ZNF608: variants seen among roughly 807,000 people sequenced by gnomAD.
The protein encoded by ZNF608 is zinc finger protein 608.
Under a neutral mutation model 109.0 loss-of-function variants are expected in ZNF608, and 12 were observed. The ratio of observed to expected loss-of-function variants is 0.11; its 90% CI spans 0.07 to 0.18. The LOEUF (loss-of-function observed/expected upper bound fraction) is 0.18, where lower values mean the gene tolerates loss of function less well. Among genes scored for constraint, ZNF608 ranks in the 10% least tolerant of loss-of-function variants. The probability of loss-of-function intolerance (pLI) is 1.00; values close to 1 mark genes in which losing one functional copy is unlikely to be tolerated. For missense variants in ZNF608, 1,707 were observed against 1,879.3 expected, an observed-to-expected ratio of 0.91 and a Z score of 1.70; for synonymous variants, 732 against 717.4, an observed-to-expected ratio of 1.02 and a Z score of -0.33.
chr5:124,668,567 G>A (rs899624435), intron 3 of ZNF608, among the ~76,000 whole-genome samples: 4 of 152,050 alleles, frequency 2.6e-5, no homozygotes, highest in Non-Finnish European at 4.4e-5. Context: ...ACCACACTTG[G>A]ATCTCTAACT....
intron 2 of ZNF608, among the ~76,000 whole-genome samples, chr5:124,708,520 A>T (rs1753351999): frequency 6.6e-6 from 1 of 152,172 alleles, no homozygotes; most frequent in Non-Finnish European, 1.5e-5. Flanking sequence ...ACCCTTTATT[A>T]CCCATAGTTC....
intron 3 of ZNF608, among the ~76,000 whole-genome samples, chr5:124,680,772 T>C (rs1752160474): frequency 1.3e-5 from 2 of 152,154 alleles, no homozygotes; most frequent in Non-Finnish European, 1.5e-5. Flanking sequence ...GCTAATTAAA[T>C]ATCTTCAGAG....
Position 124,641,277 on chromosome 5 carries a change from G to A in ZNF608, c.4425C>T (p.Ile1475=). ...HTHVGMGYPL[I]PGQYDPFQGL... is the part of the protein sequence containing the mutation. ...CTTGAAAAGGGTCATATTGACCCGG[G>A]ATTAGCGGGTAACCCATGCCAACGT... The change falls in exon 8 of 10, where the codon ATC becomes ATT. Residue 1475 remains isoleucine (I), a synonymous_variant. Coordinates refer to ENST00000513986, the MANE Select transcript of ZNF608 (RefSeq NM_020747.3). 1 of 1,613,816 alleles carries A rather than the reference G, an allele frequency of 6.2e-7. No individual in the cohort carries two copies. Among genetic ancestry groups the A allele is most frequent in the South Asian group, 1.1e-5 (1 of 91,066 alleles).
At chr5:124,734,712 T>C (rs1378754295) in intron 2 of ZNF608, 1 of 152,228 alleles carries the variant, frequency 6.6e-6, no homozygotes, top group Admixed American at 6.5e-5. Flanking sequence ...CTCAATTCGT[T>C]TATTTGGGTT....
chr5:124,675,265 T>C (rs1561552110), intron 3 of ZNF608, among the ~76,000 whole-genome samples: 1 of 152,198 alleles, frequency 6.6e-6, no homozygotes, highest in Non-Finnish European at 1.5e-5. Context: ...CAGTACATGT[T>C]AGCTAAGTGA....
intron 2 of ZNF608, among the ~76,000 whole-genome samples, chr5:124,733,967 A>G (rs1428817111): frequency 2.0e-5 from 3 of 152,212 alleles, no homozygotes; most frequent in African/African-American, 7.2e-5. Flanking sequence ...CACATAAAAG[A>G]GCATTAGAAA....
chr5:124,680,479 C>T (rs773494701), intron 3 of ZNF608, among the ~76,000 whole-genome samples: 15 of 152,058 alleles, frequency 9.9e-5, no homozygotes, highest in East Asian at 1.9e-4. Context: ...GAAGCCTTTT[C>T]GGGGAAAACT....
chr5:124,639,276 C>CTTCTCCACTGGGCCTGT, intron 8 of ZNF608, 62 bp from the exon 9 acceptor site: 2 of 1,494,848 alleles, frequency 1.3e-6, no homozygotes, highest in Non-Finnish European at 9.3e-7. Flanking sequence ...GATACAGGCC[C>CTTCTCCACTGGGCCTGT]AGTGGAGAAG....
chr5:124,671,669 G>T (rs1233945789), intron 3 of ZNF608, among the ~76,000 whole-genome samples: 3 of 146,676 alleles, frequency 2.0e-5, no homozygotes, highest in Non-Finnish European at 4.5e-5. Flanking sequence ...TTGAGACAGG[G>T]TCTCACCCCA....
intron 2 of ZNF608, among the ~76,000 whole-genome samples, chr5:124,711,588 T>A (rs938951530): frequency 2.6e-5 from 4 of 152,172 alleles, no homozygotes; most frequent in Admixed American, 2.0e-4. Context: ...GCCCTCCCCT[T>A]TAGATGGGTT....
chr5:124,652,267 C>T (rs1443587404), intron 3 of ZNF608, among the ~76,000 whole-genome samples: 1 of 152,144 alleles, frequency 6.6e-6, no homozygotes, highest in Non-Finnish European at 1.5e-5. Context: ...CAAGTGATGC[C>T]GTTGTTATTT....
chr5:124,697,806 C>G (rs931428054), intron 3 of ZNF608, among the ~76,000 whole-genome samples: 2 of 152,176 alleles, frequency 1.3e-5, no homozygotes, highest in South Asian at 4.1e-4. Flanking sequence ...GATTCCCAAC[C>G]ATCCAAATAA....
chr5:124,637,861 T>A lies in ZNF608; in HGVS notation c.*39A>T. On this transcript the variant is annotated 3_prime_UTR_variant, in exon 10 of 10. Transcript: ENST00000513986. ...GATGTCTGTATAAAGCGCTTCCCCA[T>A]GTGATCCAGTCACATGACAATGTAC... 1 of 1,602,242 alleles carries A rather than the reference T, an allele frequency of 6.2e-7. No individual in the cohort carries two copies. The highest frequency in any genetic ancestry group is 1.1e-5 in the South Asian group (1 of 89,336).
intron 3 of ZNF608, among the ~76,000 whole-genome samples, chr5:124,659,446 C>G (rs1034203385): frequency 6.6e-6 from 1 of 152,136 alleles, no homozygotes; most frequent in Non-Finnish European, 1.5e-5. Flanking sequence ...TCCCCAGTGG[C>G]AGGAGCAAAG....
At chr5:124,677,612 C>A (rs914971415) in intron 3 of ZNF608, among the ~76,000 whole-genome samples, 1 of 152,166 alleles carries the variant, frequency 6.6e-6, no homozygotes, top group Non-Finnish European at 1.5e-5. Flanking sequence ...TGGCAGGCAG[C>A]CAACCCAACT....
intron 2 of ZNF608, among the ~76,000 whole-genome samples, chr5:124,739,805 TC>T (rs1225139956): frequency 6.6e-6 from 1 of 152,202 alleles, no homozygotes; most frequent in African/African-American, 2.4e-5. Context: ...ATTCAATCCC[TC>T]TTTTTCACGC....
At position 124,746,538 on chromosome 5, in the gene ZNF608, A is replaced by G; in HGVS notation, c.-527T>C. ...TTAAAAAACAGAGAGTTTAGAGAAAAAAGTTTTCCCAACTTCTCATTCCGC... is the reference window on the plus strand; with the variant it reads ...TTAAAAAACAGAGAGTTTAGAGAAAGAAGTTTTCCCAACTTCTCATTCCGC... On this transcript the variant is annotated 5_prime_UTR_variant, in exon 1 of 10. Transcript: ENST00000513986. 1.0e-6 allele frequency: 1 copy of G among 985,426 alleles called. No homozygotes were observed. The allele number at this position is 985,426 out of a possible 1,614,324, so 61.0% of individuals were successfully genotyped here.
chr5:124,702,833 T>G (rs1010229934), intron 2 of ZNF608, among the ~76,000 whole-genome samples: 3 of 152,216 alleles, frequency 2.0e-5, no homozygotes, highest in Non-Finnish European at 4.4e-5. Context: ...AGAAAAGCAT[T>G]TAACAGCCCC....
chr5:124,661,449 ATTCCACATTCCAAAG>A (rs1429825982), intron 3 of ZNF608, among the ~76,000 whole-genome samples: 1 of 148,920 alleles, frequency 6.7e-6, no homozygotes, highest in Non-Finnish European at 1.5e-5. Flanking sequence ...ACCCTCCCCC[ATTCCACATTCCAAAG>A]TTCTTATCTT....
Sources: allele counts gnomAD v4.1 joint callset (sites outside exome capture counted in the v4.1 genomes callset), GRCh38; gene constraint gnomAD v4.1.1; transcripts MANE v1.5; gene names NCBI Gene and HGNC (gene_info 2026-07-23, HGNC 2026-07-21).